The following STX8 variants were observed in gnomAD, a reference collection of about 807,000 sequenced individuals.
STX8 encodes syntaxin-8.
STX8 carries 23 observed loss-of-function variants against 37.5 expected under a neutral mutation model. The observed-to-expected ratio is 0.61, with a 90% CI of 0.44 to 0.87. The LOEUF is 0.87. Among genes scored for constraint, STX8 ranks in the 40% least tolerant of loss-of-function variants. The pLI, the probability that STX8 is intolerant of heterozygous loss-of-function variation, is 0.00. For missense variants in STX8, 313 were observed against 284.7 expected, an observed-to-expected ratio of 1.10 and a Z score of -0.71; for synonymous variants, 115 against 99.1, an observed-to-expected ratio of 1.16 and a Z score of -0.95.
Position 9,378,609 on chromosome 17 carries a change from T to C in STX8, c.586A>G (p.Lys196Glu), listed in dbSNP as rs1448893494. The change falls in exon 7 of 8, where the codon AAA (lysine) becomes GAA (glutamate). Residue 196 changes from lysine to glutamate, a missense_variant. Lys to Glu is a moderately conservative substitution (Grantham distance 56). Coordinates refer to ENST00000306357, the MANE Select transcript of STX8 (RefSeq NM_004853.3). ...ACCCGCCTGGTTTCATTGCGAAGTTTTTCATCTGTGTTCTCCACTAGGTTG... is the reference window on the plus strand; with the variant it reads ...ACCCGCCTGGTTTCATTGCGAAGTTCTTCATCTGTGTTCTCCACTAGGTTG... ...LANLVENTDE[K>E]LRNETRRVNM... is the part of the protein sequence containing the mutation. 1 of 1,613,910 alleles carries C rather than the reference T, an allele frequency of 6.2e-7. No individual in the cohort carries two copies. The highest frequency in any genetic ancestry group is 1.3e-5 in the African/African-American group (1 of 75,046).
chr17:9,335,144 C>T (rs184895233), intron 7 of STX8, among the ~76,000 whole-genome samples: 249 of 152,188 alleles, frequency 1.6e-3, no homozygotes, highest in Middle Eastern at 0.01. Context: ...AATAGCCAAT[C>T]GGAATTAGCT....
chr17:9,259,606 G>A (rs141491403), intron 7 of STX8, among the ~76,000 whole-genome samples: 2 of 152,320 alleles, frequency 1.3e-5, no homozygotes, highest in East Asian at 3.9e-4. Context: ...CTACAGGAAG[G>A]GCAGCTGTGC....
At chr17:9,301,575 C>A (rs1908785407) in intron 7 of STX8, among the ~76,000 whole-genome samples, 1 of 151,610 alleles carries the variant, frequency 6.6e-6, no homozygotes, top group South Asian at 2.1e-4. Context: ...CTCCACCTCC[C>A]GCGTTCACGC....
rs1164757278 is a variant in STX8 at position 9,549,258 on chromosome 17, T to C, written c.213-3976A>G. On this transcript the variant is annotated intron_variant, in intron 3 of 7. Coordinates refer to ENST00000306357, the MANE Select transcript of STX8 (RefSeq NM_004853.3). ...AAAGGTACATTTTAAAATCAGCAGA[T>C]ACTAGTTACAGATTTAAACTTACGT... 4.6e-5 allele frequency among the ~76,000 whole-genome samples: 7 copies of C among 152,322 alleles called. No individual in the cohort carries two copies. The East Asian group carries it at 1.3e-3, about 29-fold the overall frequency.
chr17:9,321,478 TGAGA>T (rs1410164669), intron 7 of STX8, among the ~76,000 whole-genome samples: 1 of 151,626 alleles, frequency 6.6e-6, no homozygotes, highest in Non-Finnish European at 1.5e-5. Flanking sequence ...TGCAGTGAGC[TGAGA>T]TAGAAAAAGA....
intron 2 of STX8, among the ~76,000 whole-genome samples, chr17:9,562,200 G>A (rs1455691258): frequency 2.6e-5 from 4 of 151,578 alleles, no homozygotes; most frequent in African/African-American, 7.3e-5. Flanking sequence ...TCAGGAGATC[G>A]AGATCATCCT....
chr17:9,280,632 A>T (rs1026104336), intron 7 of STX8, among the ~76,000 whole-genome samples: 4 of 152,236 alleles, frequency 2.6e-5, no homozygotes, highest in African/African-American at 9.6e-5. Context: ...ACTTTTTGAA[A>T]ATTCCACAAG....
intron 7 of STX8, among the ~76,000 whole-genome samples, chr17:9,331,884 A>G (rs1218203370): frequency 1.3e-5 from 2 of 150,762 alleles, no homozygotes; most frequent in East Asian, 3.8e-4. Context: ...TATGGAAAGG[A>G]AAAAAAAAAT....
intron 7 of STX8, among the ~76,000 whole-genome samples, chr17:9,281,751 T>C (rs1362723031): frequency 3.9e-5 from 6 of 152,196 alleles, no homozygotes; most frequent in Non-Finnish European, 8.8e-5. Context: ...CTGGCCAACA[T>C]GGTGAAACCC....
At chr17:9,377,246 A>T (rs1911627443) in intron 7 of STX8, among the ~76,000 whole-genome samples, 1 of 152,062 alleles carries the variant, frequency 6.6e-6, no homozygotes, top group Non-Finnish European at 1.5e-5. Context: ...AAAGGCTGAA[A>T]GTTTGGCAAA....
intron 6 of STX8, 42 bp from the exon 7 acceptor site, chr17:9,378,695 C>CGG (rs780490049): frequency 2.0e-5 from 29 of 1,426,068 alleles, no homozygotes; most frequent in Non-Finnish European, 2.9e-5. Flanking sequence ...TGAAATACCC[C>CGG]GGTTCACATC....
chr17:9,274,739 A>G lies in STX8; in HGVS notation c.644-24094T>C. On this transcript the variant is annotated intron_variant, in intron 7 of 7. Coordinates refer to ENST00000306357, the MANE Select transcript of STX8 (RefSeq NM_004853.3). Reference sequence around the variant, plus strand: ...TAAACAAAGTCTTCAAAAATACAACAATTTCTTTTTTCTTTTTTTTTTTTT... The same window carrying G: ...TAAACAAAGTCTTCAAAAATACAACGATTTCTTTTTTCTTTTTTTTTTTTT... 1.5e-5 allele frequency among the ~76,000 whole-genome samples: 2 copies of G among 136,264 alleles called. 1 individual carries two copies. The highest frequency in any genetic ancestry group is 3.1e-5 in the Non-Finnish European group (2 of 64,034). 89.4% of individuals were successfully genotyped at this position (136,264 alleles called of 152,430 possible). A position where few individuals can be genotyped will look rare whatever the true frequency, so the allele number is the denominator to read the frequency against.
chr17:9,338,605 CA>C (rs1910221633), intron 7 of STX8, among the ~76,000 whole-genome samples: 1 of 152,192 alleles, frequency 6.6e-6, no homozygotes, highest in Non-Finnish European at 1.5e-5. Flanking sequence ...TCCATTTCTG[CA>C]GTGAGATTTT....
chr17:9,316,049 C>T (rs558612055), intron 7 of STX8, among the ~76,000 whole-genome samples: 1 of 151,764 alleles, frequency 6.6e-6, no homozygotes, highest in Admixed American at 6.6e-5. Context: ...TAAAGCTCTC[C>T]TTTCCAAGTA....
intron 6 of STX8, among the ~76,000 whole-genome samples, chr17:9,402,945 C>T (rs1912676703): frequency 6.6e-6 from 1 of 152,172 alleles, no homozygotes. Context: ...TAGCAGACAA[C>T]GAGCAGAGCT....
chr17:9,273,827 C>T (rs1182256441), intron 7 of STX8, among the ~76,000 whole-genome samples: 3 of 152,096 alleles, frequency 2.0e-5, no homozygotes, highest in Non-Finnish European at 4.4e-5. Context: ...TGGGAGTGGG[C>T]GTGTGTTTGC....
At chr17:9,458,210 C>T (rs542342099) in intron 6 of STX8, among the ~76,000 whole-genome samples, 29 of 152,162 alleles carry the variant, frequency 1.9e-4, no homozygotes, top group South Asian at 6.2e-4. Flanking sequence ...AGTGCAGTGG[C>T]GCCATCTTGG....
chr17:9,480,192 G>A (rs73265557), intron 6 of STX8, among the ~76,000 whole-genome samples: 3,384 of 152,240 alleles, frequency 0.022, 114 homozygotes, highest in African/African-American at 0.075. Context: ...TACTCCAGGA[G>A]GGGAAGGAGC....
chr17:9,251,018 G>T (rs1167070584), intron 7 of STX8, among the ~76,000 whole-genome samples: 2 of 152,156 alleles, frequency 1.3e-5, no homozygotes, highest in Non-Finnish European at 2.9e-5. Flanking sequence ...CATTGATAAA[G>T]CAAAGGGCTT....
Sources: gnomAD v4.1 joint callset for allele counts (sites outside exome capture counted in the v4.1 genomes callset) on GRCh38, gnomAD v4.1.1 for gene constraint, MANE v1.5 for transcripts, NCBI Gene and HGNC (gene_info 2026-07-23, HGNC 2026-07-21) for gene names.